The following ZNF100 variants were observed in gnomAD, a reference collection of about 807,000 sequenced individuals.
ZNF100 encodes the protein zinc finger protein 100.
In ZNF100, 12 loss-of-function variants were observed where a neutral mutation model predicts 15.8. The ratio of observed to expected loss-of-function variants is 0.76; its 90% CI spans 0.49 to 1.23. The LOEUF (loss-of-function observed/expected upper bound fraction) is 1.23. Ranked by LOEUF, ZNF100 falls within the 50% of genes most tolerant of loss-of-function variation. The pLI, the probability that ZNF100 is intolerant of heterozygous loss-of-function variation, is 0.00. For synonymous variants in ZNF100, 226 were observed against 214.8 expected, an observed-to-expected ratio of 1.05 and a Z score of -0.45; for missense variants, 670 against 635.6, an observed-to-expected ratio of 1.05 and a Z score of -0.58.
At chr19:21,753,899 A>C (rs1278018218) in intron 2 of ZNF100, among the ~76,000 whole-genome samples, 1 of 152,206 alleles carries the variant, frequency 6.6e-6, no homozygotes, top group Non-Finnish European at 1.5e-5. Flanking sequence ...TGTCCCATTA[A>C]GTCCTGCTAT....
chr19:21,755,291 G>A (rs1327561330), intron 2 of ZNF100, among the ~76,000 whole-genome samples: 1 of 149,256 alleles, frequency 6.7e-6, no homozygotes, highest in Non-Finnish European at 1.5e-5. Flanking sequence ...TGGCCAATGA[G>A]AGTGAAAGTC....
chr19:21,761,715 C>T (rs929539276), intron 2 of ZNF100, among the ~76,000 whole-genome samples: 9 of 151,950 alleles, frequency 5.9e-5, no homozygotes, highest in African/African-American at 1.9e-4. Flanking sequence ...TGTTTATTTG[C>T]AGTTATTTTT....
chr19:21,766,311 G>GA (rs2036560336), intron 1 of ZNF100, among the ~76,000 whole-genome samples: 1 of 151,692 alleles, frequency 6.6e-6, no homozygotes, highest in Non-Finnish European at 1.5e-5. Flanking sequence ...ACCTGCTTGG[G>GA]ACACAGGTGA....
At chr19:21,728,281 A>G (rs1371883731) in intron 4 of ZNF100, among the ~76,000 whole-genome samples, 1 of 152,110 alleles carries the variant, frequency 6.6e-6, no homozygotes, top group Non-Finnish European at 1.5e-5. Flanking sequence ...TCCCCAATAT[A>G]ACATACTGTC....
rs1268582925 is a variant in ZNF100, at chr19:21,726,138, C to CA, written c.*544dup. 6.5e-6 allele frequency: 1 copy of CA among 152,672 alleles called. No homozygotes were observed. The highest frequency in any genetic ancestry group is 2.4e-5 in the African/African-American group (1 of 41,426). 9.5% of individuals were successfully genotyped at this position (152,672 alleles called of 1,614,324 possible). ...ACAATTCTACTACAATGTTCTTCTT[C>CA]AAAATACTCTTCACTTTAAAAGCTT... On this transcript the variant is annotated 3_prime_UTR_variant, in exon 5 of 5. Coordinates refer to ENST00000358296, the MANE Select transcript of ZNF100 (RefSeq NM_173531.4).
At chr19:21,766,940 G>A (rs2036573073) in intron 1 of ZNF100, among the ~76,000 whole-genome samples, 1 of 152,196 alleles carries the variant, frequency 6.6e-6, no homozygotes, top group South Asian at 2.1e-4. Flanking sequence ...GTTGCAGTGA[G>A]GGGAGATCGC....
intron 3 of ZNF100, 54 bp from the exon 4 acceptor site, chr19:21,744,169 T>C: frequency 2.0e-6 from 3 of 1,484,214 alleles, no homozygotes; most frequent in Admixed American, 2.0e-5. Context: ...ATTACCAACC[T>C]AGTACTATGC....
At chr19:21,735,635 C>T (rs915060126) in intron 4 of ZNF100, among the ~76,000 whole-genome samples, 2 of 151,840 alleles carry the variant, frequency 1.3e-5, no homozygotes, top group Non-Finnish European at 2.9e-5. Context: ...AAGAATTTAC[C>T]AAGCAAATAA....
intron 3 of ZNF100, among the ~76,000 whole-genome samples, chr19:21,744,438 TCTCGGCTCACTACAAC>T (rs2036175215): frequency 1.3e-5 from 2 of 152,176 alleles, no homozygotes; most frequent in South Asian, 4.1e-4. Context: ...AGTGGCATGA[TCTCGGCTCACTACAAC>T]CTCCACCTCC....
chr19:21,744,884 CA>C (rs1568302067), intron 3 of ZNF100, 56 bp downstream of exon 3: 13 of 1,576,832 alleles, frequency 8.2e-6, no homozygotes, highest in Non-Finnish European at 1.1e-5. Context: ...AATCATTCCA[CA>C]AAAAAAGAGA....
chr19:21,763,671 A>G (rs1234033774), intron 2 of ZNF100, among the ~76,000 whole-genome samples: 1 of 152,166 alleles, frequency 6.6e-6, no homozygotes, highest in African/African-American at 2.4e-5. Flanking sequence ...GCTACCCTCA[A>G]TCTGAGCTAA....
Position 21,726,739 on chromosome 19 carries a change from A to C in ZNF100, c.1573T>G (p.Ser525Ala). ...TTATTTTGTTTAATAAGGCTTAGGG[A>C]CTGGTTAAAGTCTTTACCACATTCT... Reference protein sequence around the residue: ...WEECGKDFNQSLSLIKQNNSY... With the variant: ...WEECGKDFNQALSLIKQNNSY... The change falls in exon 5 of 5, where the codon TCC (serine) becomes GCC (alanine). Residue 525 changes from serine (S) to alanine (A), a missense_variant. Ser to Ala is a moderately conservative substitution (Grantham distance 99, BLOSUM62 1). Coordinates refer to ENST00000358296, the MANE Select transcript of ZNF100 (RefSeq NM_173531.4). 1.2e-6 allele frequency: 2 copies of C among 1,609,406 alleles called. No individual in the cohort carries two copies. The highest frequency in any genetic ancestry group is 1.7e-6 in the Non-Finnish European group (2 of 1,178,618).
At chr19:21,743,394 A>G (rs911104967) in intron 4 of ZNF100, among the ~76,000 whole-genome samples, 16 of 152,286 alleles carry the variant, frequency 1.1e-4, no homozygotes, top group Admixed American at 3.3e-4. Flanking sequence ...TTCCAGTGGC[A>G]TTTTTTTCCA....
intron 4 of ZNF100, among the ~76,000 whole-genome samples, chr19:21,731,522 T>C (rs1568291926): frequency 2.0e-5 from 3 of 152,120 alleles, no homozygotes; most frequent in Non-Finnish European, 4.4e-5. Context: ...TTGGCCAGGA[T>C]GGTCTCGATC....
intron 2 of ZNF100, among the ~76,000 whole-genome samples, chr19:21,761,602 C>T (rs1332224256): frequency 1.3e-5 from 2 of 152,230 alleles, no homozygotes; most frequent in Non-Finnish European, 2.9e-5. Context: ...ATTTAAAAGG[C>T]CTATGTGAAA....
chr19:21,750,310 A>C (rs2036280504), intron 2 of ZNF100, among the ~76,000 whole-genome samples: 1 of 152,186 alleles, frequency 6.6e-6, no homozygotes, highest in Non-Finnish European at 1.5e-5. Flanking sequence ...TTATTTCAAA[A>C]TATTGAGAAA....
In ZNF100 at chr19:21,765,762, G is replaced by A. The variant is rs1424534598; in HGVS notation, c.28C>T (p.Pro10Ser). MDDPRYGMC[P>S]LKGASGCPGA... ...GGGCATCCACTTGCTCCCTTGAGAG[G>A]ACACATTCCATACCTCGGGTCATCC... The change falls in exon 2 of 5, where the codon CCT (proline) becomes TCT (serine). Residue 10 changes from proline to serine, a missense_variant. Pro to Ser is a moderately conservative substitution (Grantham distance 74). Coordinates refer to ENST00000358296, the MANE Select transcript of ZNF100 (RefSeq NM_173531.4). 1.9e-6 allele frequency: 3 copies of A among 1,614,124 alleles called. No individual in the cohort carries two copies. In the East Asian group the frequency reaches 6.7e-5, roughly 36 times the overall value.
Position 21,727,531 on chromosome 19 carries a change from A to C in ZNF100, c.781T>G (p.Tyr261Asp). The C allele has an allele frequency of 6.2e-7, 1 of 1,613,876 alleles. No homozygotes were observed. The highest frequency in any genetic ancestry group is 8.5e-7 in the Non-Finnish European group (1 of 1,179,860). ...GCTTTCCCACATTCTTCACATTTGT[A>C]GGGTTTCTCTCCAGTATGAATTCTC... The part of the protein sequence containing the change: ...HRRIHTGEKP[Y>D]KCEECGKAFN... Residue 261 changes from tyrosine (Y) to aspartate (D), a missense_variant, in exon 5 of 5, where the codon TAC becomes GAC. Coordinates refer to ENST00000358296, the MANE Select transcript of ZNF100 (RefSeq NM_173531.4).
In ZNF100 at chr19:21,744,051, A is replaced by C. The variant is rs1367687778; in HGVS notation, c.288T>G (p.Asn96Lys). The change falls in exon 4 of 5, where the codon AAT becomes AAG. Residue 96 changes from asparagine (N) to lysine (K), a missense_variant. Coordinates refer to ENST00000358296, the MANE Select transcript of ZNF100 (RefSeq NM_173531.4). Reference protein sequence around the residue: ...TCLEQGKEPWNIKRHEMVAKP... With the variant: ...TCLEQGKEPWKIKRHEMVAKP... Reference sequence around the variant, plus strand: ...TGGCTACCATCTCATGTCTCTTTATATTCCAGGGCTCTTTTCCTTGCTCCA... The same window carrying C: ...TGGCTACCATCTCATGTCTCTTTATCTTCCAGGGCTCTTTTCCTTGCTCCA... 3 of 1,612,910 alleles carry C rather than the reference A, an allele frequency of 1.9e-6. No homozygotes were observed. Among genetic ancestry groups the C allele is most frequent in the Non-Finnish European group, 1.7e-6 (2 of 1,179,602 alleles).
Sources: gnomAD v4.1 joint callset for allele counts (sites outside exome capture counted in the v4.1 genomes callset) on GRCh38, gnomAD v4.1.1 for gene constraint, MANE v1.5 for transcripts, NCBI Gene and HGNC (gene_info 2026-07-23, HGNC 2026-07-21) for gene names.